UTY: variants seen among roughly 807,000 people sequenced by gnomAD.
UTY encodes ubiquitously transcribed tetratricopeptide repeat containing, Y-linked.
In UTY, 12 loss-of-function variants were observed where a neutral mutation model predicts 32.5. The ratio of observed to expected loss-of-function variants is 0.37; its 90% CI spans 0.24 to 0.60. UTY has a LOEUF of 0.60. UTY is among the 20% of genes least tolerant of loss of function. The probability of loss-of-function intolerance (pLI) is 0.69; values close to 1 mark genes in which losing one functional copy is unlikely to be tolerated. For synonymous variants in UTY, 131 were observed against 103.4 expected, an observed-to-expected ratio of 1.27 and a Z score of -1.62; for missense variants, 303 against 299.2, an observed-to-expected ratio of 1.01 and a Z score of -0.09.
chrY:13,294,478 C>CA (rs2057915923), intron 27 of UTY, among the ~76,000 whole-genome samples: 10 of 34,121 alleles, frequency 2.9e-4, no homozygotes, highest in Non-Finnish European at 5.8e-4. Context: ...GGCCAAGACT[C>CA]AAACTGAAAA....
At chrY:13,260,188 A>G (rs775107086) in intron 28 of UTY, 90 bp downstream of exon 28, 1 of 305,011 alleles carries the variant, frequency 3.3e-6, no homozygotes, top group African/African-American at 7.2e-5. Flanking sequence ...GCATTACATA[A>G]AAGTATAGGT....
At chrY:13,415,958 C>T (rs769487718) in intron 4 of UTY, among the ~76,000 whole-genome samples, 1 of 32,952 alleles carries the variant, frequency 3.0e-5, no homozygotes, top group African/African-American at 1.2e-4. Flanking sequence ...TTTTTTGATA[C>T]GGGTTCTCAC....
chrY:13,391,712 T>TAGTCAATTAC (rs2067574308), intron 8 of UTY, among the ~76,000 whole-genome samples: 39 of 33,678 alleles, frequency 1.2e-3, no homozygotes, highest in Non-Finnish European at 2.9e-4. Flanking sequence ...CAATTAAACC[T>TAGTCAATTAC]CTTTCCTTCA....
intron 27 of UTY, among the ~76,000 whole-genome samples, chrY:13,275,044 G>A (rs1441890718): frequency 6.1e-5 from 2 of 32,641 alleles, no homozygotes. Context: ...ATGTTTATGT[G>A]AGCATATTAA....
intron 3 of UTY, among the ~76,000 whole-genome samples, chrY:13,468,404 G>A (rs2078109433): frequency 3.0e-5 from 1 of 33,498 alleles, no homozygotes. Flanking sequence ...GGCCGGGTGC[G>A]GTGGCTCACG....
chrY:13,478,142 G>A, intron 2 of UTY, among the ~76,000 whole-genome samples: 1 of 33,490 alleles, frequency 3.0e-5, no homozygotes, highest in Non-Finnish European at 7.4e-5. Context: ...GTATTTCCTT[G>A]TCAAATACAA....
intron 27 of UTY, chrY:13,287,076 C>A (rs2057423238): frequency 2.9e-6 from 1 of 348,831 alleles, no homozygotes; most frequent in Non-Finnish European, 4.2e-6. Context: ...AGATGAAGAG[C>A]AAGGCCCTCA....
At chrY:13,252,179 CAAAAAAAAAAA>C (rs779026577) in intron 28 of UTY, among the ~76,000 whole-genome samples, 2 of 3,636 alleles carry the variant, frequency 5.5e-4, no homozygotes, top group African/African-American at 1.2e-3. Flanking sequence ...GACTCCGTCT[CAAAAAAAAAAA>C]AAAAAAAAAA....
chrY:13,454,733 T>C, intron 3 of UTY, among the ~76,000 whole-genome samples: 1 of 30,270 alleles, frequency 3.3e-5, no homozygotes, highest in African/African-American at 1.3e-4. Context: ...AGACCAGGAG[T>C]TCGAGACTGG....
intron 3 of UTY, among the ~76,000 whole-genome samples, chrY:13,460,321 A>C: frequency 3.0e-5 from 1 of 33,766 alleles, no homozygotes; most frequent in South Asian, 6.4e-4. Context: ...TATCTTTAAC[A>C]TAATAGAAAT....
chrY:13,250,831 A>C, intron 29 of UTY, among the ~76,000 whole-genome samples, 186 bp downstream of exon 29: 1 of 34,278 alleles, frequency 2.9e-5, no homozygotes, highest in Non-Finnish European at 7.3e-5. Flanking sequence ...AATGGTAATA[A>C]ACAGTTTCAT....
intron 6 of UTY, among the ~76,000 whole-genome samples, chrY:13,403,845 CGTT>C (rs2069472731): frequency 3.1e-5 from 1 of 32,616 alleles, no homozygotes; most frequent in Admixed American, 2.9e-4. Context: ...GAATTCCACG[CGTT>C]GTACTATGAT....
chrY:13,287,092 G>A (rs878992061), intron 27 of UTY: 7 of 348,575 alleles, frequency 2.0e-5, no homozygotes, highest in Admixed American at 1.5e-4. Flanking sequence ...CCTCAGGTAT[G>A]TAAGTGTGAT....
At chrY:13,245,171 A>C (rs2053934736), downstream of UTY, among the ~76,000 whole-genome samples, 1 of 34,078 alleles carries the variant, frequency 2.9e-5, no homozygotes, top group Non-Finnish European at 7.3e-5. Flanking sequence ...AAATCTAAAA[A>C]ATTAATCCAC....
chrY:13,317,013 A>AT (rs2059528861), intron 21 of UTY, among the ~76,000 whole-genome samples: 3 of 32,114 alleles, frequency 9.3e-5, no homozygotes, highest in Admixed American at 2.8e-4. Context: ...ATTTTAAAAG[A>AT]TTTTTTTTTA....
At chrY:13,443,392 T>C in intron 4 of UTY, among the ~76,000 whole-genome samples, 1 of 33,456 alleles carries the variant, frequency 3.0e-5, no homozygotes, top group Non-Finnish European at 7.4e-5. Flanking sequence ...AATTGTAAGC[T>C]TTCTCAGAAT....
intron 17 of UTY, among the ~76,000 whole-genome samples, chrY:13,351,505 T>C: frequency 3.1e-5 from 1 of 32,701 alleles, no homozygotes; most frequent in Non-Finnish European, 7.5e-5. Context: ...AAACTGTCAA[T>C]AGTCCTGAAT....
intron 28 of UTY, among the ~76,000 whole-genome samples, chrY:13,240,921 T>C: frequency 2.6e-4 from 7 of 26,885 alleles, no homozygotes; most frequent in African/African-American, 4.5e-4. Flanking sequence ...TTGAGACCAG[T>C]GGTCAAGGCT....
intron 21 of UTY, among the ~76,000 whole-genome samples, chrY:13,318,058 G>A: frequency 3.2e-5 from 1 of 31,196 alleles, no homozygotes; most frequent in East Asian, 8.0e-4. Flanking sequence ...TACTTGGGAA[G>A]CTGAGGCAGA....
Sources: allele counts gnomAD v4.1 joint callset (sites outside exome capture counted in the v4.1 genomes callset), GRCh38; gene constraint gnomAD v4.1.1; transcripts MANE v1.5; gene names NCBI Gene and HGNC (gene_info 2026-07-23, HGNC 2026-07-21).